PPDPFL: variants seen among roughly 807,000 people sequenced by gnomAD.
PPDPFL encodes the protein pancreatic progenitor cell differentiation and proliferation factor-like protein.
A neutral mutation model predicts 12.6 loss-of-function variants in PPDPFL; 12 were observed. That is an observed-to-expected ratio of 0.95 (90% CI 0.61 to 1.54). The LOEUF (loss-of-function observed/expected upper bound fraction) is 1.54, where lower values mean the gene tolerates loss of function less well. Among genes scored for constraint, PPDPFL ranks in the 40% most tolerant of loss-of-function variants. The pLI, the probability that PPDPFL is intolerant of heterozygous loss-of-function variation, is 0.00. For missense variants in PPDPFL, 114 were observed against 96.0 expected (o/e 1.19, Z -0.78); for synonymous variants, 24 against 32.7 (o/e 0.73, Z 0.91).
intron 1 of PPDPFL, among the ~76,000 whole-genome samples, chr8:49,062,233 G>C (rs1027634253): frequency 6.6e-6 from 1 of 152,186 alleles, no homozygotes; most frequent in Admixed American, 6.5e-5. Context: ...TTGGTTAAGG[G>C]AGAATTTTTT....
In PPDPFL at chr8:49,061,517, G is replaced by C. The variant is rs562853458; in HGVS notation, c.-45+7148G>C. 2.6e-5 allele frequency among the ~76,000 whole-genome samples: 4 copies of C among 152,296 alleles called. No homozygotes were observed. In the East Asian group the frequency reaches 7.7e-4, roughly 29 times the overall value. On this transcript the variant is annotated intron_variant, in intron 1 of 4. Coordinates refer to the PPDPFL transcript ENST00000517663. ...AATGCCCACAGATGGAAATTGGAAT[G>C]GTGCGATGGTGGAAGGGGCTGCTTT...
chr8:49,065,027 A>G (rs1024441732), intron 1 of PPDPFL, among the ~76,000 whole-genome samples: 25 of 152,216 alleles, frequency 1.6e-4, no homozygotes, highest in African/African-American at 5.5e-4. Context: ...CAGAGTAATT[A>G]TCCAACTCAC....
chr8:49,058,741 G>A (rs1157262870), intron 1 of PPDPFL, among the ~76,000 whole-genome samples: 1 of 152,142 alleles, frequency 6.6e-6, no homozygotes, highest in Non-Finnish European at 1.5e-5. Flanking sequence ...ATTTAATAAA[G>A]AGCCTTAAAG....
At chr8:49,066,171 TTGCCTAGTCGGGTGGATGA>T (rs1389600281) in intron 1 of PPDPFL, among the ~76,000 whole-genome samples, 1 of 152,196 alleles carries the variant, frequency 6.6e-6, no homozygotes, top group African/African-American at 2.4e-5. Context: ...GAGAAATGGG[TTGCCTAGTCGGGTGGATGA>T]TGCCCAATAA....
At chr8:49,056,376 T>C (rs949893746) in intron 1 of PPDPFL, among the ~76,000 whole-genome samples, 3 of 152,048 alleles carry the variant, frequency 2.0e-5, no homozygotes, top group Non-Finnish European at 4.4e-5. Context: ...TCAGAGATGC[T>C]GTTTCTTAGA....
At chr8:49,071,418 G>A (rs1285636975), upstream of PPDPFL, among the ~76,000 whole-genome samples, 1 of 152,222 alleles carries the variant, frequency 6.6e-6, no homozygotes, top group Non-Finnish European at 1.5e-5. Context: ...AGCACTTTGG[G>A]AGGCTGAGGC....
rs909491410 is a variant in PPDPFL at position 49,076,047 on chromosome 8, A to G, written c.*874A>G. 1.3e-5 allele frequency: 2 copies of G among 152,150 alleles called. No individual in the cohort carries two copies. The highest frequency in any genetic ancestry group is 1.3e-4 in the Admixed American group (2 of 15,274). 9.4% of individuals were successfully genotyped at this position (152,150 alleles called of 1,614,324 possible). A position where few individuals can be genotyped will look rare whatever the true frequency, so the allele number is the denominator to read the frequency against. Reference sequence around the variant, plus strand: ...ATCTCCCAATTTTTCTAATATGACAAGTATTGTGCGTAATTAGAAAATAAT... The same window carrying G: ...ATCTCCCAATTTTTCTAATATGACAGGTATTGTGCGTAATTAGAAAATAAT... On this transcript the variant is annotated 3_prime_UTR_variant, in exon 5 of 5. Transcript: ENST00000522267.
chr8:49,067,284 T>G (rs1808314363), intron 1 of PPDPFL, among the ~76,000 whole-genome samples: 1 of 152,232 alleles, frequency 6.6e-6, no homozygotes. Flanking sequence ...TAATGCAGAT[T>G]CCCATGTGTT....
intron 1 of PPDPFL, among the ~76,000 whole-genome samples, chr8:49,057,284 G>GGCT (rs1808125937): frequency 6.6e-6 from 1 of 152,018 alleles, no homozygotes; most frequent in African/African-American, 2.4e-5. Context: ...CTGAATGAAG[G>GGCT]GTCGTGAATT....
intron 1 of PPDPFL, among the ~76,000 whole-genome samples, chr8:49,062,140 C>G (rs996752265): frequency 6.6e-6 from 1 of 152,176 alleles, no homozygotes; most frequent in Non-Finnish European, 1.5e-5. Flanking sequence ...AAAGGAGCAG[C>G]AGGGCTTAGC....
intron 1 of PPDPFL, among the ~76,000 whole-genome samples, chr8:49,055,963 A>G (rs1808106374): frequency 6.6e-6 from 1 of 152,096 alleles, no homozygotes; most frequent in African/African-American, 2.4e-5. Flanking sequence ...TCTCATGGAG[A>G]ACTGCAATAA....
At chr8:49,054,352 A>C (rs1314307570) in exon 1 of PPDPFL, 1 of 152,094 alleles carries the variant, frequency 6.6e-6, no homozygotes, top group African/African-American at 2.4e-5. Context: ...CTGATGATTC[A>C]CTTCTACTTA....
upstream of PPDPFL, among the ~76,000 whole-genome samples, chr8:49,067,694 T>C (rs1307541076): frequency 6.6e-6 from 1 of 152,250 alleles, no homozygotes. Context: ...AAACAGATCA[T>C]CTCTCAGAAG....
chr8:49,060,407 G>A (rs1287741259), intron 1 of PPDPFL, among the ~76,000 whole-genome samples: 1 of 152,042 alleles, frequency 6.6e-6, no homozygotes, highest in African/African-American at 2.4e-5. Flanking sequence ...TCCGCCTCCT[G>A]GGTTTAAGTG....
At chr8:49,072,658 A>C in intron 1 of PPDPFL, 129 bp from the exon 2 acceptor site, 1 of 497,206 alleles carries the variant, frequency 2.0e-6, no homozygotes, top group Non-Finnish European at 3.5e-6. Flanking sequence ...TTGTGTAAAC[A>C]TTTAAATTCC....
chr8:49,067,507 T>G (rs1808317704), upstream of PPDPFL, among the ~76,000 whole-genome samples: 1 of 152,246 alleles, frequency 6.6e-6, no homozygotes, highest in Non-Finnish European at 1.5e-5. Flanking sequence ...GATCCTCTCA[T>G]ACTGCACACA....
chr8:49,066,801 GC>G (rs1429472115), intron 1 of PPDPFL, among the ~76,000 whole-genome samples: 1 of 152,162 alleles, frequency 6.6e-6, no homozygotes, highest in Admixed American at 6.5e-5. Flanking sequence ...AGATCCAGCA[GC>G]CTGGCCCTTG....
chr8:49,057,984 G>GA (rs1808138357), intron 1 of PPDPFL, among the ~76,000 whole-genome samples: 1 of 152,022 alleles, frequency 6.6e-6, no homozygotes, highest in Non-Finnish European at 1.5e-5. Flanking sequence ...ATTATTATAA[G>GA]AAAAAATAAA....
chr8:49,063,797 T>C (rs1808251309), intron 1 of PPDPFL, among the ~76,000 whole-genome samples: 1 of 152,038 alleles, frequency 6.6e-6, no homozygotes, highest in African/African-American at 2.4e-5. Context: ...ACCAGCTGGA[T>C]CCAGTAGATA....
Sources: gnomAD v4.1 joint callset for allele counts (sites outside exome capture counted in the v4.1 genomes callset) on GRCh38, gnomAD v4.1.1 for gene constraint, MANE v1.5 for transcripts, NCBI Gene and HGNC (gene_info 2026-07-23, HGNC 2026-07-21) for gene names.